Variants in PTPRF observed in about 807,000 individuals in gnomAD.
The protein encoded by PTPRF is protein tyrosine phosphatase receptor type F, also known as receptor-type tyrosine-protein phosphatase F.
PTPRF carries 59 observed loss-of-function variants against 201.8 expected under a neutral mutation model. The observed-to-expected ratio is 0.29, with a 90% CI of 0.24 to 0.36. The LOEUF is 0.36. PTPRF is among the 10% of genes least tolerant of loss of function. The pLI is 1.00. For missense variants in PTPRF, 2,132 were observed against 2,690.5 expected (o/e 0.79, Z 4.59); for synonymous variants, 1,088 against 1,089.7 (o/e 1.00, Z 0.03).
chr1:43,565,327 C>T (rs1646086537), intron 5 of PTPRF, among the ~76,000 whole-genome samples: 1 of 152,220 alleles, frequency 6.6e-6, no homozygotes, highest in African/African-American at 2.4e-5. Flanking sequence ...CATGGGGCAA[C>T]CAAACCTCTC....
At chr1:43,522,092 C>T (rs1245500546), upstream of PTPRF, among the ~76,000 whole-genome samples, 1 of 152,168 alleles carries the variant, frequency 6.6e-6, no homozygotes, top group East Asian at 1.9e-4. Context: ...TGAAATCCCC[C>T]CTTGCTTGGC....
chr1:43,576,694 G>A (rs539027748), intron 6 of PTPRF, among the ~76,000 whole-genome samples: 23 of 152,342 alleles, frequency 1.5e-4, no homozygotes, highest in East Asian at 7.7e-4. Context: ...ATTGGGTCAC[G>A]GCCACCTGCC....
At chr1:43,522,818 G>A (rs1642994709), upstream of PTPRF, among the ~76,000 whole-genome samples, 1 of 152,176 alleles carries the variant, frequency 6.6e-6, no homozygotes, top group African/African-American at 2.4e-5. Context: ...TGGATGAGGT[G>A]GGGAGGTAGG....
At chr1:43,617,973 G>A in intron 25 of PTPRF, 62 bp downstream of exon 25, 1 of 1,510,882 alleles carries the variant, frequency 6.6e-7, no homozygotes, top group Non-Finnish European at 9.0e-7. Flanking sequence ...GGTGATACAG[G>A]GCACCTTCTT....
At chr1:43,584,808 T>C (rs952944244) in intron 7 of PTPRF, among the ~76,000 whole-genome samples, 2 of 152,236 alleles carry the variant, frequency 1.3e-5, no homozygotes, top group African/African-American at 4.8e-5. Flanking sequence ...ATCCTGCCCC[T>C]CATCCCCTCC....
intron 12 of PTPRF, 146 bp downstream of exon 12, chr1:43,598,199 CACTT>C: frequency 1.2e-6 from 1 of 858,030 alleles, no homozygotes; most frequent in Non-Finnish European, 1.7e-6. Flanking sequence ...GGGGGGATGT[CACTT>C]ACGGGATAAC....
chr1:43,620,401 C>A, intron 30 of PTPRF, 53 bp from the exon 31 acceptor site: 2 of 1,558,902 alleles, frequency 1.3e-6, no homozygotes, highest in African/African-American at 1.4e-5. Context: ...AGCCTGGCAC[C>A]CCTCCCCTAT....
intron 5 of PTPRF, among the ~76,000 whole-genome samples, chr1:43,564,169 C>T (rs1296988846): frequency 6.6e-6 from 1 of 152,180 alleles, no homozygotes; most frequent in Non-Finnish European, 1.5e-5. Context: ...GGGCCCAAGG[C>T]TCCCCAGGCC....
chr1:43,622,094 C>A lies in PTPRF; in HGVS notation c.*91C>A. The A allele has an allele frequency of 7.3e-7, 1 of 1,364,716 alleles. No individual in the cohort carries two copies. Among genetic ancestry groups the A allele is most frequent in the Non-Finnish European group, 1.0e-6 (1 of 961,192 alleles). 84.5% of individuals were successfully genotyped at this position (1,364,716 alleles called of 1,614,324 possible). A position where few individuals can be genotyped will look rare whatever the true frequency, so the allele number is the denominator to read the frequency against. ...CCATACCGACCATCGTCCAGCCCTC[C>A]TACGCAGATGCTGTCACTGGCAGAG... On this transcript the variant is annotated 3_prime_UTR_variant, in exon 34 of 34. Coordinates refer to ENST00000359947, the MANE Select transcript of PTPRF (RefSeq NM_002840.5).
At chr1:43,561,166 G>A (rs911266538) in intron 5 of PTPRF, among the ~76,000 whole-genome samples, 2 of 152,150 alleles carry the variant, frequency 1.3e-5, no homozygotes, top group Non-Finnish European at 1.5e-5. Context: ...TTTGGAAATA[G>A]CCCTAGAGAC....
chr1:43,542,703 G>C lies in PTPRF; in HGVS notation c.-45-2328G>C, dbSNP rs981012958. On this transcript the variant is annotated intron_variant, in intron 2 of 33. Transcript: ENST00000359947. The surrounding 1 kb of genome is among the most constrained non-coding windows in gnomAD (Gnocchi z 5.2). ...ACCCCTGTAATGTCCTTATCAGGCA[G>C]CTGCACTCCATGATGTCTGTACCCT... Among the ~76,000 whole-genome samples, 2 of 152,098 alleles carry C rather than the reference G, an allele frequency of 1.3e-5. No individual in the cohort carries two copies. The highest frequency in any genetic ancestry group is 2.4e-5 in the African/African-American group (1 of 41,386).
At chr1:43,600,833 C>G (rs1653577764) in intron 13 of PTPRF, among the ~76,000 whole-genome samples, 1 of 152,070 alleles carries the variant, frequency 6.6e-6, no homozygotes, top group African/African-American at 2.4e-5. Flanking sequence ...TGCCATTCCT[C>G]TGACCCCTTT....
chr1:43,560,613 C>T (rs1645741517), intron 5 of PTPRF, among the ~76,000 whole-genome samples: 1 of 152,110 alleles, frequency 6.6e-6, no homozygotes, highest in Admixed American at 6.5e-5. Context: ...TGTCTGGGCT[C>T]ATTGTCTCTG....
In PTPRF at chr1:43,603,346, G is replaced by C. The variant is rs1654252596; in HGVS notation, c.2341-70G>C. The stretch of plus-strand genomic sequence containing the variant: ...GGGGCTCCCCTCAGGCTAGGGTCCT[G>C]AGGTCCCTGACAAGGTCTGGCCTCT... On this transcript the variant is annotated intron_variant, in intron 14 of 33. Transcript: ENST00000359947. This position sits in a 1 kb window ranked among gnomAD's most constrained non-coding sequence, Gnocchi z 5.8. 3.5e-6 allele frequency: 5 copies of C among 1,414,390 alleles called. No individual in the cohort carries two copies. The highest frequency in any genetic ancestry group is 5.0e-6 in the Non-Finnish European group (5 of 999,542). 87.6% of individuals were successfully genotyped at this position (1,414,390 alleles called of 1,614,324 possible).
chr1:43,553,345 C>A lies in PTPRF; in HGVS notation c.92-147C>A. 2.3e-6 allele frequency: 2 copies of A among 876,618 alleles called. No individual in the cohort carries two copies. The highest frequency in any genetic ancestry group is 3.6e-6 in the Non-Finnish European group (2 of 555,878). The allele number at this position is 876,618 out of a possible 1,614,324, so 54.3% of individuals were successfully genotyped here. ...AAAATGTTAAACTCTCTGAACAGTG[C>A]CTGGCACATACTAAGCGCTACATAA... is the stretch of plus-strand genomic sequence containing the variant. On this transcript the variant is annotated intron_variant, in intron 3 of 33. Coordinates refer to ENST00000359947, the MANE Select transcript of PTPRF (RefSeq NM_002840.5). The surrounding 1 kb of genome is among the most constrained non-coding windows in gnomAD (Gnocchi z 4.1).
chr1:43,611,594 C>T (rs1006387769), intron 22 of PTPRF, among the ~76,000 whole-genome samples: 5 of 152,060 alleles, frequency 3.3e-5, no homozygotes, highest in Admixed American at 6.6e-5. Context: ...AGGTTTTCAG[C>T]GGGGGAGCCA....
At chr1:43,613,156 T>A in intron 22 of PTPRF, 1 of 247,298 alleles carries the variant, frequency 4.0e-6, no homozygotes, top group Non-Finnish European at 8.1e-6. Context: ...TGTCTGTACT[T>A]CATGACCACT....
At chr1:43,605,752 G>GC in intron 19 of PTPRF, 130 bp downstream of exon 19, 1 of 886,812 alleles carries the variant, frequency 1.1e-6, no homozygotes, top group Non-Finnish European at 1.8e-6. Flanking sequence ...CTGGCTGGCA[G>GC]CCCGCCCCTC....
chr1:43,583,069 T>C (rs753385345), intron 7 of PTPRF: 4 of 985,396 alleles, frequency 4.1e-6, no homozygotes, highest in South Asian at 4.7e-5. Flanking sequence ...CAACCCAAAC[T>C]CTCATCTCTC....
Sources: allele counts gnomAD v4.1 joint callset (sites outside exome capture counted in the v4.1 genomes callset), GRCh38; gene constraint gnomAD v4.1.1; non-coding constraint Gnocchi (gnomAD v3.1); transcripts MANE v1.5; gene names NCBI Gene and HGNC (gene_info 2026-07-23, HGNC 2026-07-21).